The following BORCS5 variants were observed in gnomAD, a reference collection of about 807,000 sequenced individuals.
BORCS5 encodes the protein BLOC-1 related complex subunit 5.
A neutral mutation model predicts 22.1 loss-of-function variants in BORCS5; 17 were observed. That is an observed-to-expected ratio of 0.77 (90% CI 0.53 to 1.15). BORCS5 has a LOEUF of 1.15. Among genes scored for constraint, BORCS5 ranks in the 50% most tolerant of loss-of-function variants. BORCS5 has a pLI of 0.00. For synonymous variants in BORCS5, 117 were observed against 99.8 expected (o/e 1.17, Z -1.03); for missense variants, 247 against 253.2 (o/e 0.98, Z 0.17).
chr12:12,360,572 T>C, intron 1 of BORCS5, among the ~76,000 whole-genome samples: 1 of 145,646 alleles, frequency 6.9e-6, no homozygotes, highest in East Asian at 2.0e-4. Context: ...AAGAAATTTT[T>C]TTTTTTTTTT....
intron 2 of BORCS5, among the ~76,000 whole-genome samples, chr12:12,399,457 G>A (rs78855850): frequency 0.033 from 5,033 of 152,234 alleles, 302 homozygotes; most frequent in African/African-American, 0.11. Context: ...AGGTAGAGGG[G>A]AAATAAGAGA....
In BORCS5 at chr12:12,385,732, A is replaced by G. The variant is rs1592073018; in HGVS notation, c.202+24383A>G. Among the ~76,000 whole-genome samples, 2 of 149,322 alleles carry G rather than the reference A, an allele frequency of 1.3e-5. 1 individual carries two copies. The highest frequency in any genetic ancestry group is 4.3e-4 in the South Asian group (2 of 4,700). ...ACCATATTGGCTAGGCTGTTCTCAA[A>G]CTCCTGACCTCGTGATCCGCCTGCC... On this transcript the variant is annotated intron_variant, in intron 2 of 3. Transcript: ENST00000314565.
At chr12:12,380,052 G>A (rs1863743045) in intron 2 of BORCS5, among the ~76,000 whole-genome samples, 1 of 151,132 alleles carries the variant, frequency 6.6e-6, no homozygotes, top group African/African-American at 2.4e-5. Context: ...GGTGATAGCC[G>A]GGGGAATGAT....
chr12:12,415,390 A>G (rs1941908542), intron 2 of BORCS5, among the ~76,000 whole-genome samples: 1 of 151,644 alleles, frequency 6.6e-6, no homozygotes. Context: ...CCACCAAAAA[A>G]AAAACGAAAA....
intron 3 of BORCS5, 33 bp from the exon 4 acceptor site, chr12:12,465,513 A>G: frequency 6.3e-7 from 1 of 1,586,410 alleles, no homozygotes; most frequent in South Asian, 1.1e-5. Flanking sequence ...TTGATTAAAC[A>G]AGGTATAATG....
At chr12:12,463,749 A>G (rs186715735) in intron 3 of BORCS5, among the ~76,000 whole-genome samples, 2 of 152,350 alleles carry the variant, frequency 1.3e-5, no homozygotes, top group Admixed American at 1.3e-4. Flanking sequence ...CATGTAGGGA[A>G]GTACATGCCA....
intron 3 of BORCS5, among the ~76,000 whole-genome samples, chr12:12,448,472 C>G (rs1942834011): frequency 6.6e-6 from 1 of 151,876 alleles, no homozygotes; most frequent in South Asian, 2.1e-4. Flanking sequence ...GCCTTGGCCT[C>G]CCAAGGTACT....
intron 2 of BORCS5, among the ~76,000 whole-genome samples, chr12:12,375,043 T>G (rs888683870): frequency 6.6e-6 from 1 of 151,804 alleles, no homozygotes; most frequent in Non-Finnish European, 1.5e-5. Flanking sequence ...TGAGCTGGAG[T>G]CTCTGTTGCC....
intron 2 of BORCS5, among the ~76,000 whole-genome samples, chr12:12,411,243 C>T (rs780847750): frequency 4.2e-4 from 64 of 152,246 alleles, no homozygotes; most frequent in Non-Finnish European, 8.1e-4. Flanking sequence ...TTGCCCTGGC[C>T]GGAACTTCCA....
intron 2 of BORCS5, among the ~76,000 whole-genome samples, chr12:12,369,368 A>G (rs1863472662): frequency 6.6e-6 from 1 of 152,068 alleles, no homozygotes; most frequent in Non-Finnish European, 1.5e-5. Context: ...TTGCTTTTGT[A>G]TTTAGGCTAT....
intron 3 of BORCS5, among the ~76,000 whole-genome samples, chr12:12,464,903 G>A (rs1015086402): frequency 3.9e-5 from 6 of 152,162 alleles, no homozygotes; most frequent in African/African-American, 1.4e-4. Context: ...TTCCCCGAGT[G>A]TCCGCCAAAC....
chr12:12,409,916 G>A (rs1375779526), intron 2 of BORCS5, among the ~76,000 whole-genome samples: 33 of 152,202 alleles, frequency 2.2e-4, no homozygotes, highest in Admixed American at 1.1e-3. Context: ...TTTAATGATT[G>A]CCATTCTAAC....
At chr12:12,464,010 G>C (rs1422159462) in intron 3 of BORCS5, among the ~76,000 whole-genome samples, 3 of 152,176 alleles carry the variant, frequency 2.0e-5, no homozygotes, top group Non-Finnish European at 2.9e-5. Context: ...GAGCCCCGCT[G>C]TCTCTCAGGT....
At chr12:12,385,578 C>G (rs1367683212) in intron 2 of BORCS5, among the ~76,000 whole-genome samples, 1 of 150,312 alleles carries the variant, frequency 6.7e-6, no homozygotes, top group Non-Finnish European at 1.5e-5. Context: ...GGCACAATCT[C>G]GGCTCACTGC....
At position 12,434,239 on chromosome 12, in the gene BORCS5, C is replaced by T. The variant is rs141541322; in HGVS notation, c.203-1389C>T. Among the ~76,000 whole-genome samples, 119 of 147,738 alleles carry T rather than the reference C, an allele frequency of 8.1e-4. 2 individuals are homozygous for T. In the South Asian group the frequency reaches 0.012, roughly 14 times the overall value. ...TCGAGGTTGCAGTGAGCTAAGATCA[C>T]GCCACTGCACTCCAGATGGGCAACA... On this transcript the variant is annotated intron_variant, in intron 2 of 3. Coordinates refer to ENST00000314565, the MANE Select transcript of BORCS5 (RefSeq NM_058169.6).
At chr12:12,424,518 C>G (rs781143293) in intron 2 of BORCS5, among the ~76,000 whole-genome samples, 26 of 151,450 alleles carry the variant, frequency 1.7e-4, no homozygotes, top group Non-Finnish European at 3.8e-4. Context: ...AGTGGATTTG[C>G]CATTGTCTTT....
chr12:12,450,384 G>A (rs778416612), intron 3 of BORCS5, among the ~76,000 whole-genome samples: 2 of 152,232 alleles, frequency 1.3e-5, no homozygotes, highest in African/African-American at 4.8e-5. Context: ...GATGTCAAGA[G>A]TACAAAATGT....
chr12:12,359,075 T>C lies in BORCS5; in HGVS notation c.58+1566T>C, dbSNP rs186370907. On this transcript the variant is annotated intron_variant, in intron 1 of 3. Transcript: ENST00000314565. ...ATTCTTGTCCCAGTCTGGAAGATAT[T>C]TGGGGGAGAGGATGATTTCTTGGTC... Among the ~76,000 whole-genome samples the C allele has an allele frequency of 6.9e-3, 1,047 of 152,300 alleles. 6 individuals are homozygous for C. The highest frequency in any genetic ancestry group is 0.012 in the Non-Finnish European group (793 of 68,016).
At chr12:12,396,858 C>T (rs972262805) in intron 2 of BORCS5, among the ~76,000 whole-genome samples, 5 of 152,082 alleles carry the variant, frequency 3.3e-5, no homozygotes, top group African/African-American at 7.2e-5. Context: ...GCGGTCTTTC[C>T]GGAACACTAA....
Sources: allele counts gnomAD v4.1 joint callset (sites outside exome capture counted in the v4.1 genomes callset), GRCh38; gene constraint gnomAD v4.1.1; transcripts MANE v1.5; gene names NCBI Gene and HGNC (gene_info 2026-07-23, HGNC 2026-07-21).